Variants in FBXL17 observed in about 807,000 individuals in gnomAD.
The protein encoded by FBXL17 is F-box and leucine rich repeat protein 17, also known as F-box/LRR-repeat protein 17.
Under a neutral mutation model 66.2 loss-of-function variants are expected in FBXL17, and 22 were observed. That is an observed-to-expected ratio of 0.33 (90% CI 0.24 to 0.47). The LOEUF is 0.47. FBXL17 is among the 20% of genes least tolerant of loss of function. The probability of loss-of-function intolerance (pLI) is 1.00; values close to 1 mark genes in which losing one functional copy is unlikely to be tolerated. For synonymous variants in FBXL17, 474 were observed against 400.5 expected (o/e 1.18, Z -2.19); for missense variants, 878 against 948.2 (o/e 0.93, Z 0.97).
intron 6 of FBXL17, among the ~76,000 whole-genome samples, chr5:108,035,878 C>A (rs544832407): frequency 6.6e-6 from 1 of 151,978 alleles, no homozygotes; most frequent in Non-Finnish European, 1.5e-5. Context: ...CCATGAAGAC[C>A]TGGGAAAAAA....
At chr5:107,942,710 A>G (rs1751149726) in intron 7 of FBXL17, among the ~76,000 whole-genome samples, 2 of 151,452 alleles carry the variant, frequency 1.3e-5, no homozygotes, top group Non-Finnish European at 2.9e-5. Context: ...TCTCCCTAGT[A>G]TCTCTTATTT....
intron 7 of FBXL17, among the ~76,000 whole-genome samples, chr5:107,966,737 C>T (rs1294800072): frequency 6.6e-6 from 1 of 152,120 alleles, no homozygotes; most frequent in Non-Finnish European, 1.5e-5. Flanking sequence ...AATTCAGTGG[C>T]ATCAATTACA....
chr5:108,052,380 G>A (rs1747520937), intron 6 of FBXL17, among the ~76,000 whole-genome samples: 3 of 152,088 alleles, frequency 2.0e-5, no homozygotes, highest in Non-Finnish European at 2.9e-5. Flanking sequence ...AAATCAATGT[G>A]TAAAAATCAG....
chr5:108,139,108 G>A (rs953962697), intron 6 of FBXL17, among the ~76,000 whole-genome samples: 3 of 152,182 alleles, frequency 2.0e-5, no homozygotes, highest in Non-Finnish European at 4.4e-5. Context: ...AGTAGGCACT[G>A]GAAGAATTAA....
At chr5:108,155,513 T>A (rs1408929344) in intron 6 of FBXL17, among the ~76,000 whole-genome samples, 2 of 151,944 alleles carry the variant, frequency 1.3e-5, no homozygotes, top group African/African-American at 4.8e-5. Context: ...AGACTCCGTC[T>A]CAAAAAAAAA....
intron 5 of FBXL17, among the ~76,000 whole-genome samples, chr5:108,214,391 A>G (rs1291116917): frequency 1.2e-4 from 17 of 146,726 alleles, no homozygotes; most frequent in Admixed American, 1.0e-3. Context: ...TTTTTGAGAC[A>G]GAGTCTCACT....
At chr5:108,058,412 CTCTT>C (rs920998344) in intron 6 of FBXL17, among the ~76,000 whole-genome samples, 42 of 28,952 alleles carry the variant, frequency 1.5e-3, no homozygotes, top group African/African-American at 4.9e-3. Flanking sequence ...TTCTTTCTTT[CTCTT>C]TCTTTCTTCT....
chr5:108,321,906 C>T (rs73216304), intron 4 of FBXL17, among the ~76,000 whole-genome samples: 2,475 of 151,906 alleles, frequency 0.016, 65 homozygotes, highest in African/African-American at 0.054. Context: ...GCCAAGGACA[C>T]AGTTACAGAA....
At chr5:108,280,939 T>C (rs1757678524) in intron 4 of FBXL17, among the ~76,000 whole-genome samples, 1 of 151,564 alleles carries the variant, frequency 6.6e-6, no homozygotes, top group Non-Finnish European at 1.5e-5. Flanking sequence ...GGGGATATAA[T>C]AATAAAGGAA....
At chr5:108,337,092 C>T (rs1169427878) in intron 4 of FBXL17, among the ~76,000 whole-genome samples, 1 of 151,774 alleles carries the variant, frequency 6.6e-6, no homozygotes, top group Non-Finnish European at 1.5e-5. Flanking sequence ...CCTGTCTCTA[C>T]TAAAAATACA....
intron 7 of FBXL17, among the ~76,000 whole-genome samples, chr5:107,944,209 C>G (rs1281421245): frequency 2.0e-5 from 3 of 152,178 alleles, no homozygotes; most frequent in African/African-American, 7.2e-5. Flanking sequence ...CTATTTCATT[C>G]ATTCATTCTT....
At chr5:107,901,460 T>C (rs562681548) in intron 7 of FBXL17, among the ~76,000 whole-genome samples, 4 of 152,316 alleles carry the variant, frequency 2.6e-5, no homozygotes, top group African/African-American at 9.6e-5. Flanking sequence ...ATGATTTCAC[T>C]CTGCTGTAGT....
chr5:108,247,513 G>T (rs963792373), intron 4 of FBXL17, among the ~76,000 whole-genome samples: 6 of 152,016 alleles, frequency 3.9e-5, no homozygotes, highest in Admixed American at 1.3e-4. Flanking sequence ...TTAGGCTAAG[G>T]CTTTCTCATA....
At chr5:108,261,546 A>T (rs532905513) in intron 4 of FBXL17, among the ~76,000 whole-genome samples, 1 of 152,298 alleles carries the variant, frequency 6.6e-6, no homozygotes, top group Non-Finnish European at 1.5e-5. Flanking sequence ...ACATCAAGCC[A>T]CACTGTCACA....
At chr5:107,868,831 A>T (rs1748358904) in intron 8 of FBXL17, among the ~76,000 whole-genome samples, 1 of 152,222 alleles carries the variant, frequency 6.6e-6, no homozygotes, top group African/African-American at 2.4e-5. Context: ...CAGCCTGTGT[A>T]CCACATGCAC....
At position 108,123,150 on chromosome 5, in the gene FBXL17, T is replaced by G. The variant is rs181739581; in HGVS notation, c.1745+62967A>C. Among the ~76,000 whole-genome samples, 16 of 148,812 alleles carry G rather than the reference T, an allele frequency of 1.1e-4. No individual in the cohort carries two copies. The East Asian group carries it at 2.9e-3, about 27-fold the overall frequency. ...GTGGTTGTGCATGTGCTTGGGTAAG[T>G]TTTTTGTCTTTTGCTTTTTTTAATT... On this transcript the variant is annotated intron_variant, in intron 6 of 8. Transcript: ENST00000542267.
chr5:108,142,436 G>A (rs981993772), intron 6 of FBXL17, among the ~76,000 whole-genome samples: 1 of 152,168 alleles, frequency 6.6e-6, no homozygotes, highest in Non-Finnish European at 1.5e-5. Flanking sequence ...TGGTAAATCA[G>A]TTGGACTTGA....
At chr5:107,918,009 C>A (rs1041359405) in intron 7 of FBXL17, among the ~76,000 whole-genome samples, 2 of 152,174 alleles carry the variant, frequency 1.3e-5, no homozygotes, top group African/African-American at 4.8e-5. Flanking sequence ...ATCATTGAAA[C>A]GTTAATAACA....
At chr5:108,316,131 T>A (rs764994130) in intron 4 of FBXL17, among the ~76,000 whole-genome samples, 6 of 151,464 alleles carry the variant, frequency 4.0e-5, no homozygotes, top group Non-Finnish European at 7.4e-5. Context: ...CTGTATATTA[T>A]GAAATCTAAT....
Sources: allele counts gnomAD v4.1 joint callset (sites outside exome capture counted in the v4.1 genomes callset), GRCh38; gene constraint gnomAD v4.1.1; transcripts MANE v1.5; gene names NCBI Gene and HGNC (gene_info 2026-07-23, HGNC 2026-07-21).